RPAP1: variants seen among roughly 807,000 people sequenced by gnomAD.
The protein encoded by RPAP1 is RNA polymerase II associated protein 1, also known as RNA polymerase II-associated protein 1.
RPAP1 carries 109 observed loss-of-function variants against 142.4 expected under a neutral mutation model. The ratio of observed to expected loss-of-function variants is 0.77; its 90% confidence interval spans 0.66 to 0.90. RPAP1 has a LOEUF of 0.90. RPAP1 is among the 40% of genes least tolerant of loss of function. RPAP1 has a pLI of 0.00. For missense variants in RPAP1, 1,546 were observed against 1,751.7 expected, an observed-to-expected ratio of 0.88 and a Z score of 2.10; for synonymous variants, 704 against 738.9, an observed-to-expected ratio of 0.95 and a Z score of 0.77.
At chr15:41,534,098 G>T (rs1374725101) in intron 6 of RPAP1, among the ~76,000 whole-genome samples, 2 of 150,524 alleles carry the variant, frequency 1.3e-5, no homozygotes, top group East Asian at 3.9e-4. Flanking sequence ...CTCTAACCTG[G>T]GCAACAAGAC....
intron 19 of RPAP1, chr15:41,522,483 C>G (rs892353405): frequency 3.5e-6 from 2 of 569,602 alleles, no homozygotes; most frequent in Non-Finnish European, 6.2e-6. Context: ...CTCCGCCTCC[C>G]GGGTTCAAGT....
At chr15:41,527,358 G>C in intron 12 of RPAP1, 57 bp from the exon 13 acceptor site, 1 of 1,612,894 alleles carries the variant, frequency 6.2e-7, no homozygotes, top group Non-Finnish European at 8.5e-7. Context: ...GGGCATTGAT[G>C]GCCCCTCTTT....
rs572271484 is a variant in RPAP1 at position 41,529,207 on chromosome 15, C to T, written c.1158+263G>A. Among the ~76,000 whole-genome samples the T allele has an allele frequency of 5.9e-5, 9 of 152,250 alleles. No homozygotes were observed. In the South Asian group the frequency reaches 1.2e-3, roughly 21 times the overall value. On this transcript the variant is annotated intron_variant, in intron 9 of 24. Coordinates refer to ENST00000304330, the MANE Select transcript of RPAP1 (RefSeq NM_015540.4). ...AAAATTAGCTGGACGTGGTGGCATG[C>T]GCCTGTAATCCCAGCTAGTCAGGAG...
In RPAP1 at chr15:41,536,949, C is replaced by T. The variant is rs201781045; in HGVS notation, c.177G>A (p.Leu59=). ...PLQDHRDVVM[L]DNLPDLPPAL... ...CTCACATCCATGGGAACTCACTGTC[C>T]AACATCACCACATCCCGATGGTCCT... The change falls in exon 2 of 25, where the codon TTG becomes TTA. Residue 59 remains leucine (L), a synonymous_variant. Coordinates refer to ENST00000304330, the MANE Select transcript of RPAP1 (RefSeq NM_015540.4). 98 of 1,613,674 alleles carry T rather than the reference C, an allele frequency of 6.1e-5. 1 individual carries two copies. In the East Asian group the frequency reaches 2.1e-3, roughly 35 times the overall value.
rs1191887368 is a variant in RPAP1, at chr15:41,522,867, G to A, written c.2640C>T (p.Pro880=). The A allele has an allele frequency of 6.3e-7, 1 of 1,581,716 alleles. No homozygotes were observed. Residue 880 remains proline, a synonymous_variant, in exon 19 of 25, where the codon CCC becomes CCT. Transcript: ENST00000304330. ...AGGCTGAGCCAGCCAGACTGAGACG[G>A]GGGCAGCCTCCCGAGCAGCCCAGTG... ...LVSLGCSGGC[P]RLSLAGSASP... is the part of the protein sequence containing the mutation.
intron 6 of RPAP1, among the ~76,000 whole-genome samples, chr15:41,531,640 T>A (rs796282053): frequency 0.54 from 50,635 of 94,586 alleles, 10,123 homozygotes; most frequent in Admixed American, 0.6. Context: ...TTTTTTTTTT[T>A]TTTTTTTTTT....
Position 41,517,476 on chromosome 15 carries a change from G to T in RPAP1, c.*66C>A. The T allele has an allele frequency of 7.2e-7, 1 of 1,394,016 alleles. No homozygotes were observed. Among genetic ancestry groups the T allele is most frequent in the Non-Finnish European group, 9.7e-7 (1 of 1,028,664 alleles). The allele number at this position is 1,394,016 out of a possible 1,614,324, so 86.4% of individuals were successfully genotyped here. Reference sequence around the variant, plus strand: ...ATTAGGACACAATGTTCTTCGTCTGGCCAGACATCTGTTGAAAGGCTGGAT... The same window carrying T: ...ATTAGGACACAATGTTCTTCGTCTGTCCAGACATCTGTTGAAAGGCTGGAT... On this transcript the variant is annotated 3_prime_UTR_variant, in exon 25 of 25. Coordinates refer to ENST00000304330, the MANE Select transcript of RPAP1 (RefSeq NM_015540.4).
chr15:41,530,954 C>G, intron 7 of RPAP1, 69 bp downstream of exon 7: 1 of 1,450,994 alleles, frequency 6.9e-7, no homozygotes, highest in Non-Finnish European at 9.4e-7. Flanking sequence ...TCTCATTTGC[C>G]AGGCCTAGGA....
In RPAP1 at chr15:41,536,947, T is replaced by C; in HGVS notation, c.179A>G (p.Asp60Gly). Residue 60 changes from aspartate (D) to glycine (G), a missense_variant and splice_region_variant, in exon 2 of 25, where the codon GAC becomes GGC. Coordinates refer to ENST00000304330, the MANE Select transcript of RPAP1 (RefSeq NM_015540.4). Reference sequence around the variant, plus strand: ...GCCTCACATCCATGGGAACTCACTGTCCAACATCACCACATCCCGATGGTC... The same window carrying C: ...GCCTCACATCCATGGGAACTCACTGCCCAACATCACCACATCCCGATGGTC... ...LQDHRDVVML[D>G]NLPDLPPALV... 1.9e-6 allele frequency: 3 copies of C among 1,613,702 alleles called. No individual in the cohort carries two copies. The highest frequency in any genetic ancestry group is 2.5e-6 in the Non-Finnish European group (3 of 1,179,712).
chr15:41,520,575 A>T lies in RPAP1; in HGVS notation c.3611T>A (p.Leu1204Gln). The change falls in exon 22 of 25, where the codon CTG (leucine) becomes CAG (glutamine). Residue 1204 changes from leucine (L) to glutamine (Q), a missense_variant. This residue lies in a region of RPAP1 where 210 missense variants were observed against 248.0 expected (regional missense o/e 0.85). Coordinates refer to ENST00000304330, the MANE Select transcript of RPAP1 (RefSeq NM_015540.4). ...NLNLDCRLPGLTSFPDLYANF... is the reference protein window; with the variant it reads ...NLNLDCRLPGQTSFPDLYANF... ...GGCATAGAGGTCAGGGAAAGACGTC[A>T]GGCCAGGGAGTCGGCAGTCCAGGTT... The T allele has an allele frequency of 6.2e-7, 1 of 1,614,242 alleles. No individual in the cohort carries two copies. Among genetic ancestry groups the T allele is most frequent in the Non-Finnish European group, 8.5e-7 (1 of 1,180,050 alleles).
rs1400029846 is a variant in RPAP1, at chr15:41,520,891, T to C, written c.3295A>G (p.Thr1099Ala). 6.2e-7 allele frequency: 1 copy of C among 1,608,806 alleles called. No homozygotes were observed. The highest frequency in any genetic ancestry group is 2.2e-5 in the East Asian group (1 of 44,858). The change falls in exon 22 of 25, where the codon ACC (threonine) becomes GCC (alanine). Residue 1099 changes from threonine to alanine, a missense_variant. Around this residue, in one of 3 missense-constraint regions of RPAP1, gnomAD observed 1,333 missense variants for 1,486.6 expected, o/e 0.90. Coordinates refer to ENST00000304330, the MANE Select transcript of RPAP1 (RefSeq NM_015540.4). ...LPMPTEPLLP[T>A]DWPFLPLIRL... Reference sequence around the variant, plus strand: ...ATCAGTGGCAGGAAGGGCCAGTCGGTGGGCAGCAGCGGCTCCGTAGGCATG... The same window carrying C: ...ATCAGTGGCAGGAAGGGCCAGTCGGCGGGCAGCAGCGGCTCCGTAGGCATG...
In RPAP1 at chr15:41,517,481, A is replaced by G. The variant is rs2140751901; in HGVS notation, c.*61T>C. The G allele has an allele frequency of 7.1e-7, 1 of 1,415,862 alleles. No homozygotes were observed. The highest frequency in any genetic ancestry group is 1.8e-4 in the Middle Eastern group (1 of 5,406). 87.7% of individuals were successfully genotyped at this position (1,415,862 alleles called of 1,614,324 possible). A position where few individuals can be genotyped will look rare whatever the true frequency, so the allele number is the denominator to read the frequency against. ...GACACAATGTTCTTCGTCTGGCCAG[A>G]CATCTGTTGAAAGGCTGGATACAGG... is the stretch of plus-strand genomic sequence containing the variant. On this transcript the variant is annotated 3_prime_UTR_variant, in exon 25 of 25. Coordinates refer to ENST00000304330, the MANE Select transcript of RPAP1 (RefSeq NM_015540.4).
chr15:41,539,727 G>A (rs775889868), intron 1 of RPAP1, among the ~76,000 whole-genome samples: 1 of 151,990 alleles, frequency 6.6e-6, no homozygotes, highest in African/African-American at 2.4e-5. Flanking sequence ...ACTGCACCTG[G>A]CCTGTAAACT....
At chr15:41,535,387 C>T in intron 5 of RPAP1, 125 bp downstream of exon 5, 1 of 1,371,408 alleles carries the variant, frequency 7.3e-7, no homozygotes, top group South Asian at 1.4e-5. Context: ...ACCTAGTATT[C>T]TCAGACTACT....
chr15:41,542,217 C>G (rs760280549), intron 1 of RPAP1, among the ~76,000 whole-genome samples: 31 of 152,100 alleles, frequency 2.0e-4, no homozygotes, highest in Non-Finnish European at 4.3e-4. Flanking sequence ...TCTAGAAATT[C>G]CAAAGGTTTA....
At position 41,528,183 on chromosome 15, in the gene RPAP1, G is replaced by A. The variant is rs180681034; in HGVS notation, c.1260+52C>T. 1.2e-3 allele frequency: 1,787 copies of A among 1,536,310 alleles called. 1 individual carries two copies. The highest frequency in any genetic ancestry group is 5.1e-3 in the Middle Eastern group (29 of 5,672). On this transcript the variant is annotated intron_variant, in intron 10 of 24. Coordinates refer to ENST00000304330, the MANE Select transcript of RPAP1 (RefSeq NM_015540.4). ...AAGGGCAGGAGATGGGGAAGTCTGA[G>A]GCTGTGGGGTGAAGGGAAGGGTGGG...
At chr15:41,522,412 T>C (rs1397079883) in intron 19 of RPAP1, 162 bp from the exon 20 acceptor site, 3 of 698,366 alleles carry the variant, frequency 4.3e-6, no homozygotes, top group African/African-American at 3.6e-5. Context: ...TTTTTTGAGA[T>C]GGAGTTTCGC....
rs1275677186 is a variant in RPAP1 at position 41,518,189 on chromosome 15, C to T, written c.3796-7G>A. The T allele has an allele frequency of 1.3e-6, 2 of 1,557,282 alleles. No individual in the cohort carries two copies. The highest frequency in any genetic ancestry group is 2.2e-5 in the Admixed American group (1 of 45,966). ...ACTCCAGGGACACAGGCAACTGTGA[C>T]AGGGGAAATGACGTGCTGAGGGGGA... On this transcript the variant is annotated splice_region_variant and splice_polypyrimidine_tract_variant and intron_variant, in intron 22 of 24. Transcript: ENST00000304330.
intron 18 of RPAP1, 36 bp from the exon 19 acceptor site, chr15:41,522,996 G>A (rs2051746407): frequency 6.8e-7 from 1 of 1,473,636 alleles, no homozygotes; most frequent in African/African-American, 1.4e-5. Context: ...GGGGACTCTG[G>A]CCTGGCGTGT....
Sources: allele counts gnomAD v4.1 joint callset (sites outside exome capture counted in the v4.1 genomes callset), GRCh38; gene constraint gnomAD v4.1.1; regional missense constraint gnomAD v4.1.1; transcripts MANE v1.5; gene names NCBI Gene and HGNC (gene_info 2026-07-23, HGNC 2026-07-21).